ANAPC10: variants seen among roughly 807,000 people sequenced by gnomAD.
The protein encoded by ANAPC10 is anaphase-promoting complex subunit 10.
In ANAPC10, 12 loss-of-function variants were observed where a neutral mutation model predicts 22.0. The ratio of observed to expected loss-of-function variants is 0.55; its 90% CI spans 0.35 to 0.88. The LOEUF is 0.88. Among genes scored for constraint, ANAPC10 ranks in the 40% least tolerant of loss-of-function variants. The pLI, the probability that ANAPC10 is intolerant of heterozygous loss-of-function variation, is 0.01. For synonymous variants in ANAPC10, 65 were observed against 69.5 expected (o/e 0.94, Z 0.32); for missense variants, 188 against 220.9 (o/e 0.85, Z 0.94).
chr4:145,018,117 TA>T (rs1196385207), intron 4 of ANAPC10, among the ~76,000 whole-genome samples: 7 of 127,830 alleles, frequency 5.5e-5, no homozygotes, highest in Non-Finnish European at 9.1e-5. Flanking sequence ...TAGAGTATAA[TA>T]AAAAAAATAT....
intron 4 of ANAPC10, among the ~76,000 whole-genome samples, chr4:145,001,100 G>A (rs1383460674): frequency 2.0e-5 from 3 of 151,780 alleles, no homozygotes; most frequent in African/African-American, 7.3e-5. Flanking sequence ...GAGTTAATGG[G>A]TGCAGCAAAC....
intron 4 of ANAPC10, among the ~76,000 whole-genome samples, chr4:145,033,863 T>C (rs960246305): frequency 6.6e-6 from 1 of 152,216 alleles, no homozygotes; most frequent in Non-Finnish European, 1.5e-5. Flanking sequence ...GTTAAAAACA[T>C]GTTTATGCAT....
intron 2 of ANAPC10, among the ~76,000 whole-genome samples, chr4:145,087,397 C>T (rs971130892): frequency 2.0e-5 from 3 of 152,058 alleles, no homozygotes; most frequent in South Asian, 2.1e-4. Flanking sequence ...CATTCTGTTG[C>T]CCTGGCTGGA....
chr4:145,031,746 T>C (rs1360507107), intron 4 of ANAPC10, among the ~76,000 whole-genome samples: 1 of 152,204 alleles, frequency 6.6e-6, no homozygotes, highest in African/African-American at 2.4e-5. Flanking sequence ...TGAATCACAG[T>C]GGAGGCCTCT....
chr4:144,995,927 A>G (rs899988497), intron 4 of ANAPC10, among the ~76,000 whole-genome samples: 2 of 152,248 alleles, frequency 1.3e-5, no homozygotes, highest in Non-Finnish European at 2.9e-5. Flanking sequence ...ACTTTTAAAA[A>G]TATGTGAAAC....
chr4:145,048,577 C>T (rs1194358650), intron 4 of ANAPC10, among the ~76,000 whole-genome samples: 1 of 152,144 alleles, frequency 6.6e-6, no homozygotes, highest in Non-Finnish European at 1.5e-5. Flanking sequence ...CTAATACCAT[C>T]TACTGGTAGT....
chr4:145,082,173 G>C (rs983979145), intron 2 of ANAPC10, among the ~76,000 whole-genome samples: 7 of 152,148 alleles, frequency 4.6e-5, no homozygotes, highest in African/African-American at 1.7e-4. Flanking sequence ...TTTTGAGACA[G>C]AGTTTCACTC....
At chr4:145,042,335 T>C (rs1406266360) in intron 4 of ANAPC10, among the ~76,000 whole-genome samples, 1 of 152,132 alleles carries the variant, frequency 6.6e-6, no homozygotes, top group East Asian at 1.9e-4. Flanking sequence ...AACAATACTA[T>C]CAAGAAGCCA....
At chr4:145,095,619 C>T (rs1748387467) in intron 2 of ANAPC10, among the ~76,000 whole-genome samples, 1 of 152,174 alleles carries the variant, frequency 6.6e-6, no homozygotes, top group Non-Finnish European at 1.5e-5. Flanking sequence ...CACTCGCTCT[C>T]ATCACATAGA....
intron 2 of ANAPC10, among the ~76,000 whole-genome samples, chr4:145,095,613 C>G (rs1185672810): frequency 3.3e-5 from 5 of 152,182 alleles, no homozygotes; most frequent in Admixed American, 6.5e-5. Context: ...TCACCTCACT[C>G]GCTCTCATCA....
intron 4 of ANAPC10, among the ~76,000 whole-genome samples, chr4:145,029,738 A>T (rs1009080266): frequency 1.3e-5 from 2 of 152,122 alleles, no homozygotes; most frequent in Non-Finnish European, 2.9e-5. Flanking sequence ...CCTTTGTTTA[A>T]TGTAGAGGAA....
At chr4:145,024,263 T>C (rs1026811651) in intron 4 of ANAPC10, among the ~76,000 whole-genome samples, 13 of 152,222 alleles carry the variant, frequency 8.5e-5, no homozygotes, top group Non-Finnish European at 1.9e-4. Context: ...TGGAATCAAC[T>C]TCTTCCAAAC....
At chr4:145,098,403 G>C (rs1200093662), upstream of ANAPC10, 3 of 152,374 alleles carry the variant, frequency 2.0e-5, no homozygotes, top group Admixed American at 1.3e-4. Flanking sequence ...CCTCCGCAAG[G>C]GGATCGTTTT....
intron 4 of ANAPC10, among the ~76,000 whole-genome samples, chr4:145,057,949 T>G (rs916967640): frequency 3.9e-5 from 6 of 152,164 alleles, no homozygotes; most frequent in Non-Finnish European, 7.4e-5. Context: ...CTCGTAATTT[T>G]TACCTGGCTA....
At chr4:145,018,286 T>C (rs893972576) in intron 4 of ANAPC10, among the ~76,000 whole-genome samples, 2 of 152,076 alleles carry the variant, frequency 1.3e-5, no homozygotes, top group Admixed American at 6.6e-5. Flanking sequence ...TAACATTGAA[T>C]GTAAATGGCC....
Position 145,059,851 on chromosome 4 carries a change from T to TA in ANAPC10, c.327+4720dup, listed in dbSNP as rs34293470. Among the ~76,000 whole-genome samples the TA allele has an allele frequency of 2.2e-3, 326 of 149,570 alleles. 2 individuals are homozygous for TA. The highest frequency in any genetic ancestry group is 7.0e-3 in the East Asian group (36 of 5,134). On this transcript the variant is annotated intron_variant, in intron 4 of 4. Transcript: ENST00000507656. ...TTCTTTGGTCCATTGCTCTAAATGA[T>TA]AAAAAAAAAATCTCACACATTATTT...
intron 4 of ANAPC10, among the ~76,000 whole-genome samples, chr4:145,041,947 T>C (rs567574127): frequency 3.3e-5 from 5 of 152,292 alleles, no homozygotes; most frequent in Middle Eastern, 3.4e-3. Flanking sequence ...GTTTCAGATA[T>C]GTATATTTAT....
At chr4:145,033,089 T>C (rs896779302) in intron 4 of ANAPC10, 1 of 152,276 alleles carries the variant, frequency 6.6e-6, no homozygotes, top group Non-Finnish European at 1.5e-5. Flanking sequence ...AATGGTGGAA[T>C]AGCCTTTTGA....
At chr4:145,093,805 G>C (rs1320971324) in intron 2 of ANAPC10, among the ~76,000 whole-genome samples, 1 of 151,836 alleles carries the variant, frequency 6.6e-6, no homozygotes, top group Non-Finnish European at 1.5e-5. Flanking sequence ...TCCAAAAAAA[G>C]TGAAAAAAAA....
Sources: allele counts gnomAD v4.1 joint callset (sites outside exome capture counted in the v4.1 genomes callset), GRCh38; gene constraint gnomAD v4.1.1; transcripts MANE v1.5; gene names NCBI Gene and HGNC (gene_info 2026-07-23, HGNC 2026-07-21).